The following ITGAM variants were observed in gnomAD, a reference collection of about 807,000 sequenced individuals.
The protein encoded by ITGAM is integrin alpha-M.
Under a neutral mutation model 137.5 loss-of-function variants are expected in ITGAM, and 79 were observed. The observed-to-expected ratio is 0.57, with a 90% CI of 0.48 to 0.69. ITGAM has a LOEUF of 0.69. Ranked by LOEUF, ITGAM falls within the 30% of genes least tolerant of loss-of-function variation. The pLI, the probability that ITGAM is intolerant of heterozygous loss-of-function variation, is 0.00. For synonymous variants in ITGAM, 583 were observed against 592.3 expected (o/e 0.98, Z 0.23); for missense variants, 1,343 against 1,483.5 (o/e 0.91, Z 1.56).
chr16:31,281,179 CT>C (rs1192499582), intron 12 of ITGAM, among the ~76,000 whole-genome samples: 3 of 151,976 alleles, frequency 2.0e-5, no homozygotes, highest in Non-Finnish European at 4.4e-5. Context: ...CTAAAATTCT[CT>C]TTTTTTTGTT....
At chr16:31,311,559 G>C (rs1445301606) in intron 14 of ITGAM, among the ~76,000 whole-genome samples, 4 of 152,216 alleles carry the variant, frequency 2.6e-5, no homozygotes, top group South Asian at 4.1e-4. Flanking sequence ...GGCCATCAGA[G>C]AAATGCAAAT....
chr16:31,327,595 A>AAATAAT (rs907618848), intron 22 of ITGAM, among the ~76,000 whole-genome samples: 47 of 151,108 alleles, frequency 3.1e-4, no homozygotes, highest in African/African-American at 1.0e-3. Context: ...CCCAGTGTCA[A>AAATAAT]AATAATAATA....
Position 31,324,296 on chromosome 16 carries a change from C to G in ITGAM, c.2003-103C>G. ...GACTCAGAGAAGTCAGATAACATACCCCAAGTCACACAGCTGAGAAGCAGA... is the reference window on the plus strand; with the variant it reads ...GACTCAGAGAAGTCAGATAACATACGCCAAGTCACACAGCTGAGAAGCAGA... On this transcript the variant is annotated intron_variant, in intron 16 of 29. Coordinates refer to ENST00000544665, the MANE Select transcript of ITGAM (RefSeq NM_000632.4). This position sits in a 1 kb window ranked among gnomAD's most constrained non-coding sequence, Gnocchi z 4.5. 1.1e-6 allele frequency: 1 copy of G among 916,738 alleles called. No homozygotes were observed. Among genetic ancestry groups the G allele is most frequent in the East Asian group, 2.7e-5 (1 of 37,580 alleles). The allele number at this position is 916,738 out of a possible 1,614,324, so 56.8% of individuals were successfully genotyped here.
At chr16:31,269,988 T>C (rs146223523) in intron 5 of ITGAM, among the ~76,000 whole-genome samples, 456 of 152,252 alleles carry the variant, frequency 3.0e-3, no homozygotes, top group African/African-American at 0.011. Flanking sequence ...TGAGCGGCAA[T>C]GGGTAGAAAG....
chr16:31,322,542 A>G (rs1325367999), intron 16 of ITGAM, among the ~76,000 whole-genome samples: 1 of 152,242 alleles, frequency 6.6e-6, no homozygotes, highest in Non-Finnish European at 1.5e-5. Flanking sequence ...AGCTGATCAG[A>G]GAATTCAGCA....
chr16:31,265,732 G>A (rs891888210), intron 3 of ITGAM, 79 bp from the exon 4 acceptor site: 14 of 1,251,592 alleles, frequency 1.1e-5, no homozygotes, highest in Admixed American at 8.1e-5. Context: ...CTCCCGCATG[G>A]AGGTGACCCC....
At position 31,265,417 on chromosome 16, in the gene ITGAM, G is replaced by C. The variant is rs1186733751; in HGVS notation, c.157G>C (p.Glu53Gln). 3 of 1,606,148 alleles carry C rather than the reference G, an allele frequency of 1.9e-6. No individual in the cohort carries two copies. The African/African-American group carries it at 4.0e-5, about 22-fold the overall frequency. ...CAGGGTGGTGGTTGGAGCCCCCCAGGAGATAGTGGCTGCCAACCAAAGGGG... is the reference window on the plus strand; with the variant it reads ...CAGGGTGGTGGTTGGAGCCCCCCAGCAGATAGTGGCTGCCAACCAAAGGGG... ...GSRVVVGAPQ[E>Q]IVAANQRGSL... The change falls in exon 3 of 30, where the codon GAG becomes CAG. Residue 53 changes from glutamate (E) to glutamine (Q), a missense_variant. Physicochemically the swap from Glu to Gln is conservative, Grantham distance 29. Transcript: ENST00000544665.
At chr16:31,275,437 G>T in intron 8 of ITGAM, 112 bp from the exon 9 acceptor site, 1 of 1,136,416 alleles carries the variant, frequency 8.8e-7, no homozygotes, top group Non-Finnish European at 1.3e-6. Context: ...ACCTTCTGAT[G>T]CATTTCCTCA....
At chr16:31,262,765 C>T (rs1005582295) in intron 2 of ITGAM, among the ~76,000 whole-genome samples, 1 of 151,952 alleles carries the variant, frequency 6.6e-6, no homozygotes. Flanking sequence ...TGTATGGACC[C>T]TGAAGCCTAA....
rs757698629 is a variant in ITGAM, at chr16:31,294,201, C to T, written c.1357-3313C>T. Among the ~76,000 whole-genome samples, 6 of 152,050 alleles carry T rather than the reference C, an allele frequency of 3.9e-5. 1 individual carries two copies. Among genetic ancestry groups the T allele is most frequent in the Admixed American group, 2.0e-4 (3 of 15,260 alleles). ...AAACAGGGATAGTTTGACTTTTTTA[C>T]TTCCTTTCTTCCTATTTGTATGCCC... On this transcript the variant is annotated intron_variant, in intron 12 of 29. Transcript: ENST00000544665.
chr16:31,312,745 A>G (rs2144445962), intron 14 of ITGAM, among the ~76,000 whole-genome samples: 1 of 152,268 alleles, frequency 6.6e-6, no homozygotes, highest in East Asian at 1.9e-4. Context: ...TAATTTATTC[A>G]GAACATCTTT....
chr16:31,304,389 C>A (rs1174603190), intron 14 of ITGAM, among the ~76,000 whole-genome samples: 1 of 152,052 alleles, frequency 6.6e-6, no homozygotes, highest in Non-Finnish European at 1.5e-5. Context: ...GCATAGTTGG[C>A]AAATATTTTC....
At chr16:31,306,731 C>T (rs1047017656) in intron 14 of ITGAM, among the ~76,000 whole-genome samples, 4 of 151,988 alleles carry the variant, frequency 2.6e-5, no homozygotes, top group East Asian at 1.9e-4. Context: ...AGTCTGGTCT[C>T]GAACTACTGA....
rs746144326 is a variant in ITGAM at position 31,330,128 on chromosome 16, C to T, written c.3024C>T (p.Ser1008=). The T allele has an allele frequency of 3.1e-6, 5 of 1,613,662 alleles. No homozygotes were observed. In the African/African-American group the frequency reaches 6.7e-5, roughly 22 times the overall value. The change falls in exon 26 of 30, where the codon TCC becomes TCT. Residue 1008 remains serine, a synonymous_variant. Transcript: ENST00000544665. Reference sequence around the variant, plus strand: ...CCAAGGAGCGCTTGCCCTCTCACTCCGACTTTCTGGCTGAGCTTCGGAAGG... The same window carrying T: ...CCAAGGAGCGCTTGCCCTCTCACTCTGACTTTCTGGCTGAGCTTCGGAAGG... The part of the protein sequence containing the change: ...CHTKERLPSH[S]DFLAELRKAP...
chr16:31,275,563 C>T lies in ITGAM; in HGVS notation c.873C>T (p.Phe291=). The change falls in exon 9 of 30, where the codon TTC becomes TTT. Residue 291 remains phenylalanine, a synonymous_variant. Transcript: ENST00000544665. ...CTTGGTAACAGGTGGGAGATGCCTTCCGCAGTGAGAAATCCCGCCAAGAGC... is the reference window on the plus strand; with the variant it reads ...CTTGGTAACAGGTGGGAGATGCCTTTCGCAGTGAGAAATCCCGCCAAGAGC... ...IRYVIGVGDA[F]RSEKSRQELN... 1 of 1,613,980 alleles carries T rather than the reference C, an allele frequency of 6.2e-7. No individual in the cohort carries two copies. The highest frequency in any genetic ancestry group is 8.5e-7 in the Non-Finnish European group (1 of 1,179,856).
At chr16:31,277,774 T>C (rs2079924880) in intron 11 of ITGAM, among the ~76,000 whole-genome samples, 193 bp from the exon 12 acceptor site, 1 of 152,168 alleles carries the variant, frequency 6.6e-6, no homozygotes, top group Non-Finnish European at 1.5e-5. Flanking sequence ...ATTATAGGTG[T>C]GAGCCACCGC....
At position 31,312,472 on chromosome 16, in the gene ITGAM, G is replaced by A. The variant is rs1040643465; in HGVS notation, c.1708-8769G>A. On this transcript the variant is annotated intron_variant, in intron 14 of 29. Coordinates refer to ENST00000544665, the MANE Select transcript of ITGAM (RefSeq NM_000632.4). The stretch of plus-strand genomic sequence containing the variant: ...GACAGGGTCTTGGTCTGTCATGCAG[G>A]CTGGAGTGAAGTGGTGCAATCATGG... Among the ~76,000 whole-genome samples, 5 of 152,026 alleles carry A rather than the reference G, an allele frequency of 3.3e-5. No individual in the cohort carries two copies. The East Asian group carries it at 5.8e-4, about 18-fold the overall frequency.
chr16:31,331,852 T>TGTGC lies in ITGAM; in HGVS notation c.*147_*148insGCGT. 1 of 623,214 alleles carries TGTGC rather than the reference T, an allele frequency of 1.6e-6. No individual in the cohort carries two copies. Among genetic ancestry groups the TGTGC allele is most frequent in the Non-Finnish European group, 2.8e-6 (1 of 361,194 alleles). 38.6% of individuals were successfully genotyped at this position (623,214 alleles called of 1,614,324 possible). Reference sequence around the variant, plus strand: ...GCTTCCATTTGTGTGTGTGCAAGTGTGTATGTGCGTGTGTGCAAGTGTCTG... The same window carrying TGTGC: ...GCTTCCATTTGTGTGTGTGCAAGTGTGTGCGTATGTGCGTGTGTGCAAGTGTCTG... On this transcript the variant is annotated 3_prime_UTR_variant, in exon 30 of 30. Transcript: ENST00000544665.
At position 31,266,084 on chromosome 16, in the gene ITGAM, C is replaced by T. The variant is rs1358535597; in HGVS notation, c.364C>T (p.Leu122Phe). 11 of 1,613,976 alleles carry T rather than the reference C, an allele frequency of 6.8e-6. No homozygotes were observed. Among genetic ancestry groups the T allele is most frequent in the Non-Finnish European group, 9.3e-6 (11 of 1,179,896 alleles). Residue 122 changes from leucine (L) to phenylalanine (F), a missense_variant, in exon 5 of 30, where the codon CTC becomes TTC. Leu to Phe is a conservative substitution (Grantham distance 22). Coordinates refer to ENST00000544665, the MANE Select transcript of ITGAM (RefSeq NM_000632.4). ...TCSENTYVKG[L>F]CFLFGSNLRQ... ...CAGTGAGAACACGTATGTGAAAGGG[C>T]TCTGCTTCCTGTTTGGATCCAACCT...
Sources: allele counts gnomAD v4.1 joint callset (sites outside exome capture counted in the v4.1 genomes callset), GRCh38; gene constraint gnomAD v4.1.1; non-coding constraint Gnocchi (gnomAD v3.1); transcripts MANE v1.5; gene names NCBI Gene and HGNC (gene_info 2026-07-23, HGNC 2026-07-21).